The following MAPKAP1 variants were observed in gnomAD, a reference collection of about 807,000 sequenced individuals.
The protein encoded by MAPKAP1 is MAPK associated protein 1, also known as target of rapamycin complex 2 subunit MAPKAP1.
In MAPKAP1, 20 loss-of-function variants were observed where a neutral mutation model predicts 65.7. The ratio of observed to expected loss-of-function variants is 0.30; its 90% CI spans 0.21 to 0.44. MAPKAP1 has a LOEUF of 0.44. Ranked by LOEUF, MAPKAP1 falls within the 20% of genes least tolerant of loss-of-function variation. The probability of loss-of-function intolerance (pLI) is 1.00; values close to 1 mark genes in which losing one functional copy is unlikely to be tolerated. For missense variants in MAPKAP1, 423 were observed against 648.0 expected (o/e 0.65, Z 3.77); for synonymous variants, 222 against 244.3 (o/e 0.91, Z 0.85).
chr9:125,545,017 A>G, intron 6 of MAPKAP1, among the ~76,000 whole-genome samples: 1 of 152,214 alleles, frequency 6.6e-6, no homozygotes, highest in East Asian at 1.9e-4. Flanking sequence ...TAAAAAGCAA[A>G]AGCCGATGCT....
At chr9:125,691,239 T>C (rs1227175591) in intron 1 of MAPKAP1, among the ~76,000 whole-genome samples, 1 of 152,008 alleles carries the variant, frequency 6.6e-6, no homozygotes, top group Non-Finnish European at 1.5e-5. Context: ...CCAGCCTGGG[T>C]GACAGAGCAA....
At chr9:125,481,852 C>T (rs550196663) in intron 9 of MAPKAP1, among the ~76,000 whole-genome samples, 1 of 151,834 alleles carries the variant, frequency 6.6e-6, no homozygotes, top group African/African-American at 2.4e-5. Flanking sequence ...AAAGTGTGGC[C>T]AGGCGTGGTG....
intron 6 of MAPKAP1, among the ~76,000 whole-genome samples, chr9:125,547,804 G>A (rs926281917): frequency 6.6e-6 from 1 of 152,182 alleles, no homozygotes; most frequent in African/African-American, 2.4e-5. Context: ...AGAGCTCCAA[G>A]GGGAGCACTC....
chr9:125,601,588 A>G (rs1832301259), intron 4 of MAPKAP1, among the ~76,000 whole-genome samples: 1 of 152,188 alleles, frequency 6.6e-6, no homozygotes, highest in Non-Finnish European at 1.5e-5. Context: ...CAGCTTATCC[A>G]AAGTTAGAAT....
Position 125,595,611 on chromosome 9 carries a change from C to T in MAPKAP1, c.499-9884G>A, listed in dbSNP as rs1323051937. 2.0e-5 allele frequency: 27 copies of T among 1,380,118 alleles called. No individual in the cohort carries two copies. Among genetic ancestry groups the T allele is most frequent in the Non-Finnish European group, 2.5e-5 (27 of 1,065,800 alleles). 85.5% of individuals were successfully genotyped at this position (1,380,118 alleles called of 1,614,324 possible). On this transcript the variant is annotated intron_variant, in intron 4 of 11. Coordinates refer to ENST00000265960, the MANE Select transcript of MAPKAP1 (RefSeq NM_001006617.3). The surrounding 1 kb of genome is among the most constrained non-coding windows in gnomAD (Gnocchi z 4.0). Reference sequence around the variant, plus strand: ...ATCATGCTATGTTTGTCAGCTTACTCCTTTCTGCCTGTGGACACGCCAAGG... The same window carrying T: ...ATCATGCTATGTTTGTCAGCTTACTTCTTTCTGCCTGTGGACACGCCAAGG...
At chr9:125,442,225 C>T (rs1852515940) in intron 11 of MAPKAP1, among the ~76,000 whole-genome samples, 1 of 151,540 alleles carries the variant, frequency 6.6e-6, no homozygotes, top group Non-Finnish European at 1.5e-5. Flanking sequence ...TAAATCAGGC[C>T]TAGGGTATGC....
intron 4 of MAPKAP1, among the ~76,000 whole-genome samples, chr9:125,600,329 T>C (rs752720335): frequency 6.6e-6 from 1 of 152,160 alleles, no homozygotes; most frequent in Admixed American, 6.5e-5. Flanking sequence ...ATAAGTTACA[T>C]TTGCTAGACT....
intron 5 of MAPKAP1, among the ~76,000 whole-genome samples, chr9:125,578,445 GAA>G (rs34239325): frequency 2.0e-5 from 3 of 150,204 alleles, no homozygotes; most frequent in Admixed American, 1.3e-4. Flanking sequence ...AAATAAATAC[GAA>G]AAAAAAAGCA....
At chr9:125,448,811 C>A (rs1284522808) in intron 10 of MAPKAP1, among the ~76,000 whole-genome samples, 1 of 152,094 alleles carries the variant, frequency 6.6e-6, no homozygotes, top group African/African-American at 2.4e-5. Context: ...TTGAGACCAG[C>A]CTTGCCAACA....
At chr9:125,478,602 T>C (rs1282722281) in intron 9 of MAPKAP1, among the ~76,000 whole-genome samples, 3 of 152,190 alleles carry the variant, frequency 2.0e-5, no homozygotes. Context: ...AGTGCTGGGA[T>C]TACAGATCTG....
At chr9:125,548,717 T>C (rs868834722) in intron 6 of MAPKAP1, among the ~76,000 whole-genome samples, 2 of 152,194 alleles carry the variant, frequency 1.3e-5, no homozygotes, top group South Asian at 4.1e-4. Context: ...AAACAGTTAA[T>C]ATATAATAAG....
chr9:125,482,810 G>A (rs1166763261), intron 9 of MAPKAP1, among the ~76,000 whole-genome samples: 13 of 152,132 alleles, frequency 8.5e-5, no homozygotes. Context: ...GCTTTGGTTC[G>A]AAGTTACTGA....
At chr9:125,652,039 G>T in intron 4 of MAPKAP1, 1 of 1,046,618 alleles carries the variant, frequency 9.6e-7, no homozygotes, top group Admixed American at 2.9e-5. Context: ...CACAAGAATA[G>T]CATATTTTCC....
chr9:125,550,296 G>A (rs1276966121), intron 6 of MAPKAP1, among the ~76,000 whole-genome samples: 1 of 152,162 alleles, frequency 6.6e-6, no homozygotes, highest in Admixed American at 6.5e-5. Context: ...GCAGCTGACA[G>A]ACTCCGACAT....
At chr9:125,611,683 G>C (rs1477834045) in intron 4 of MAPKAP1, among the ~76,000 whole-genome samples, 1 of 152,204 alleles carries the variant, frequency 6.6e-6, no homozygotes, top group Non-Finnish European at 1.5e-5. Flanking sequence ...TGGAGCAGGT[G>C]TAACTATTTG....
intron 1 of MAPKAP1, among the ~76,000 whole-genome samples, chr9:125,704,201 G>A (rs530576316): frequency 6.6e-6 from 1 of 152,186 alleles, no homozygotes; most frequent in Non-Finnish European, 1.5e-5. Context: ...TCAGTGTTCA[G>A]CAGATAATCC....
chr9:125,507,990 TAAC>T (rs931662609), intron 7 of MAPKAP1, among the ~76,000 whole-genome samples: 9 of 151,808 alleles, frequency 5.9e-5, no homozygotes, highest in Admixed American at 2.0e-4. Context: ...GGCCACACAG[TAAC>T]AACAACAACA....
At chr9:125,537,506 G>C (rs1471348528) in intron 7 of MAPKAP1, among the ~76,000 whole-genome samples, 1 of 152,100 alleles carries the variant, frequency 6.6e-6, no homozygotes, top group East Asian at 1.9e-4. Context: ...TCCCAATACA[G>C]AGTCTTGCTC....
intron 9 of MAPKAP1, among the ~76,000 whole-genome samples, chr9:125,475,349 T>C (rs1297088268): frequency 3.3e-5 from 5 of 152,212 alleles, no homozygotes; most frequent in Admixed American, 2.0e-4. Context: ...AAACCATATT[T>C]CAGGTCACAA....
Sources: allele counts gnomAD v4.1 joint callset (sites outside exome capture counted in the v4.1 genomes callset), GRCh38; gene constraint gnomAD v4.1.1; non-coding constraint Gnocchi (gnomAD v3.1); transcripts MANE v1.5; gene names NCBI Gene and HGNC (gene_info 2026-07-23, HGNC 2026-07-21).